TENM3: variants seen among roughly 807,000 people sequenced by gnomAD.
The protein encoded by TENM3 is teneurin transmembrane protein 3, also known as teneurin-3.
Under a neutral mutation model 255.1 loss-of-function variants are expected in TENM3, and 63 were observed. That is an observed-to-expected ratio of 0.25 (90% CI 0.20 to 0.30). The LOEUF is 0.30. Among genes scored for constraint, TENM3 ranks in the 10% least tolerant of loss-of-function variants. TENM3 has a pLI of 1.00. For missense variants in TENM3, 2,929 were observed against 3,461.1 expected (o/e 0.85, Z 3.86); for synonymous variants, 1,306 against 1,322.3 (o/e 0.99, Z 0.27).
intron 3 of TENM3, among the ~76,000 whole-genome samples, chr4:182,356,586 A>G (rs1376103583): frequency 6.6e-6 from 1 of 152,172 alleles, no homozygotes; most frequent in Non-Finnish European, 1.5e-5. Flanking sequence ...AAGGTGGAGT[A>G]GAGGCGATTG....
At chr4:181,633,575 T>A in the TENM3 span, among the ~76,000 whole-genome samples, 1 of 151,066 alleles carries the variant, frequency 6.6e-6, no homozygotes, top group African/African-American at 2.4e-5. Context: ...TATCAAATTG[T>A]TATAGTCCAG....
At chr4:182,636,660 C>T (rs1490525517) in intron 5 of TENM3, among the ~76,000 whole-genome samples, 6 of 150,484 alleles carry the variant, frequency 4.0e-5, no homozygotes, top group East Asian at 2.0e-4. Flanking sequence ...GAGGTTGCAG[C>T]GAGCAGAGAT....
intron 13 of TENM3, among the ~76,000 whole-genome samples, chr4:182,725,596 T>G (rs956575002): frequency 2.6e-5 from 4 of 151,782 alleles, no homozygotes; most frequent in Non-Finnish European, 5.9e-5. Flanking sequence ...TATATGAAAT[T>G]TCCAAACTCA....
intron 3 of TENM3, among the ~76,000 whole-genome samples, chr4:182,444,422 A>G (rs1470070537): frequency 1.3e-5 from 2 of 152,158 alleles, no homozygotes; most frequent in Non-Finnish European, 2.9e-5. Flanking sequence ...ATATGCTTTT[A>G]AAAATATATA....
chr4:182,085,842 C>T, the TENM3 span, among the ~76,000 whole-genome samples: 2 of 152,124 alleles, frequency 1.3e-5, no homozygotes, highest in Admixed American at 6.5e-5. Flanking sequence ...CGTTTTTCTA[C>T]TCAGTATTAA....
At chr4:182,185,494 A>G (rs1753094569) in intron 1 of TENM3, among the ~76,000 whole-genome samples, 1 of 152,258 alleles carries the variant, frequency 6.6e-6, no homozygotes, top group Non-Finnish European at 1.5e-5. Context: ...AGAACTAAAA[A>G]AGAAAAAAAA....
the TENM3 span, among the ~76,000 whole-genome samples, chr4:181,504,520 C>T: frequency 6.6e-6 from 1 of 152,124 alleles, no homozygotes; most frequent in African/African-American, 2.4e-5. Context: ...CTATTGTCTC[C>T]TCTACTTCTT....
chr4:182,013,628 A>G, the TENM3 span, among the ~76,000 whole-genome samples: 121 of 151,656 alleles, frequency 8.0e-4, no homozygotes, highest in Non-Finnish European at 1.4e-3. Context: ...ACTGAAAGAA[A>G]CTCCTCTGGG....
the TENM3 span, among the ~76,000 whole-genome samples, chr4:182,031,235 G>T: frequency 6.6e-6 from 1 of 152,102 alleles, no homozygotes. Context: ...TTTCTATAAG[G>T]TGTAAGGAAG....
the TENM3 span, among the ~76,000 whole-genome samples, chr4:181,503,941 A>C: frequency 6.6e-6 from 1 of 152,140 alleles, no homozygotes; most frequent in African/African-American, 2.4e-5. Context: ...GCAGTGTAGT[A>C]TGCTGTTTAT....
chr4:181,631,440 C>T, the TENM3 span, among the ~76,000 whole-genome samples: 1 of 152,214 alleles, frequency 6.6e-6, no homozygotes, highest in South Asian at 2.1e-4. Context: ...CAGGCATGCC[C>T]CACCACCATG....
At chr4:182,124,283 C>G in the TENM3 span, among the ~76,000 whole-genome samples, 1 of 152,140 alleles carries the variant, frequency 6.6e-6, no homozygotes, top group Non-Finnish European at 1.5e-5. Flanking sequence ...AACTCCTTAC[C>G]TCAGGTGCCC....
the TENM3 span, among the ~76,000 whole-genome samples, chr4:181,825,220 G>A: frequency 2.0e-5 from 3 of 152,068 alleles, no homozygotes; most frequent in Non-Finnish European, 2.9e-5. Flanking sequence ...GGACAACATG[G>A]TGAAACCCCA....
In TENM3 at chr4:182,161,919, G is replaced by A. The variant is rs1425290132; in HGVS notation, c.-76+17165G>A. 1.2e-4 allele frequency among the ~76,000 whole-genome samples: 4 copies of A among 33,808 alleles called. 1 individual carries two copies. Among genetic ancestry groups the A allele is most frequent in the African/African-American group, 4.3e-4 (4 of 9,220 alleles). 22.2% of individuals were successfully genotyped at this position (33,808 alleles called of 152,430 possible). A position where few individuals can be genotyped will look rare whatever the true frequency, so the allele number is the denominator to read the frequency against. Reference sequence around the variant, plus strand: ...TGTGTATATATACACACACATGTATGTGTATATATATACACATATATATAT... The same window carrying A: ...TGTGTATATATACACACACATGTATATGTATATATATACACATATATATAT... On this transcript the variant is annotated intron_variant, in intron 1 of 2. Transcript: ENST00000512480.
At chr4:181,873,875 C>A in the TENM3 span, among the ~76,000 whole-genome samples, 1 of 152,066 alleles carries the variant, frequency 6.6e-6, no homozygotes, top group Non-Finnish European at 1.5e-5. Flanking sequence ...ACCTCTCCAT[C>A]CCAGGTTCAA....
At chr4:182,471,987 G>A (rs1454182424) in intron 3 of TENM3, among the ~76,000 whole-genome samples, 1 of 152,128 alleles carries the variant, frequency 6.6e-6, no homozygotes, top group Non-Finnish European at 1.5e-5. Flanking sequence ...AGTTACAAGA[G>A]TAGTTAATTT....
the TENM3 span, among the ~76,000 whole-genome samples, chr4:181,985,319 GA>G: frequency 0.015 from 2,138 of 142,914 alleles, 35 homozygotes; most frequent in African/African-American, 0.038. Context: ...TTCCCATAGA[GA>G]AAAAAAAAAA....
At chr4:181,535,089 G>A in the TENM3 span, among the ~76,000 whole-genome samples, 1 of 152,160 alleles carries the variant, frequency 6.6e-6, no homozygotes, top group Non-Finnish European at 1.5e-5. Flanking sequence ...GAGTCTGTGT[G>A]TGGATGTCTT....
At chr4:182,633,429 G>A (rs551529491) in intron 5 of TENM3, among the ~76,000 whole-genome samples, 6 of 152,288 alleles carry the variant, frequency 3.9e-5, no homozygotes, top group Non-Finnish European at 8.8e-5. Flanking sequence ...TTTCATACCA[G>A]CTTGATGAGC....
Sources: gnomAD v4.1 joint callset for allele counts (sites outside exome capture counted in the v4.1 genomes callset) on GRCh38, gnomAD v4.1.1 for gene constraint, MANE v1.5 for transcripts, NCBI Gene and HGNC (gene_info 2026-07-23, HGNC 2026-07-21) for gene names.